The following LRRIQ1 variants were observed in gnomAD, a reference collection of about 807,000 sequenced individuals.
LRRIQ1 encodes the protein leucine rich repeats and IQ motif containing 1, also known as leucine-rich repeat- and IQ domain-containing protein 1.
In LRRIQ1, 210 loss-of-function variants were observed where a neutral mutation model predicts 211.9. That is an observed-to-expected ratio of 0.99 (90% CI 0.89 to 1.11). LRRIQ1 has a LOEUF of 1.11. Among genes scored for constraint, LRRIQ1 ranks in the 50% most tolerant of loss-of-function variants. The pLI is 0.00. For missense variants in LRRIQ1, 2,136 were observed against 1,939.5 expected (o/e 1.10, Z -1.90); for synonymous variants, 699 against 650.1 (o/e 1.08, Z -1.14).
chr12:85,120,410 C>T (rs1210205259), intron 15 of LRRIQ1, among the ~76,000 whole-genome samples: 1 of 152,166 alleles, frequency 6.6e-6, no homozygotes. Context: ...TTCACCAATA[C>T]CATACTGTCT....
rs937513143 is a variant in LRRIQ1, at chr12:85,117,474, T to C, written c.3378-4223T>C. Among the ~76,000 whole-genome samples, 4 of 152,218 alleles carry C rather than the reference T, an allele frequency of 2.6e-5. No individual in the cohort carries two copies. The South Asian group carries it at 8.3e-4, about 32-fold the overall frequency. ...ACAACTTAAAAAAGAAAATCTGCTT[T>C]ATTAATTTTTCTTGTAAGATATATC... On this transcript the variant is annotated intron_variant, in intron 15 of 26. Coordinates refer to ENST00000393217, the MANE Select transcript of LRRIQ1 (RefSeq NM_001079910.2).
intron 24 of LRRIQ1, among the ~76,000 whole-genome samples, chr12:85,217,665 TA>T (rs1340279122): frequency 7.7e-6 from 1 of 129,174 alleles, no homozygotes; most frequent in Non-Finnish European, 1.5e-5. Flanking sequence ...TATATATGTA[TA>T]TATGTGTATA....
At chr12:85,215,266 A>G (rs1289352874) in intron 24 of LRRIQ1, among the ~76,000 whole-genome samples, 4 of 152,186 alleles carry the variant, frequency 2.6e-5, no homozygotes, top group Admixed American at 2.0e-4. Flanking sequence ...AGAGTTGAAG[A>G]TATGCATACC....
chr12:85,099,585 G>A (rs575145253), intron 13 of LRRIQ1, among the ~76,000 whole-genome samples: 35 of 151,920 alleles, frequency 2.3e-4, no homozygotes, highest in African/African-American at 8.4e-4. Flanking sequence ...CAAAGCAGGA[G>A]CACAATATGT....
At chr12:85,129,284 C>T (rs1371555676) in intron 18 of LRRIQ1, among the ~76,000 whole-genome samples, 4 of 152,268 alleles carry the variant, frequency 2.6e-5, no homozygotes, top group Admixed American at 2.6e-4. Context: ...TTCCTACCTT[C>T]ATGGAATTTA....
intron 1 of LRRIQ1, among the ~76,000 whole-genome samples, chr12:85,253,652 A>T (rs1195623408): frequency 6.6e-6 from 1 of 152,066 alleles, no homozygotes; most frequent in Admixed American, 6.6e-5. Flanking sequence ...AGTTTTACAT[A>T]AAATAGTAGG....
intron 24 of LRRIQ1, among the ~76,000 whole-genome samples, chr12:85,182,345 G>A (rs1222403483): frequency 6.6e-6 from 1 of 152,100 alleles, no homozygotes; most frequent in Admixed American, 6.6e-5. Context: ...ACATGACAGA[G>A]GTTGGTAGAT....
chr12:85,042,340 TTTAAA>T (rs1431759877), intron 3 of LRRIQ1, among the ~76,000 whole-genome samples: 211 of 150,314 alleles, frequency 1.4e-3, no homozygotes, highest in Middle Eastern at 4.8e-3. Context: ...TCCCAGAAAA[TTTAAA>T]TTAATTTAAT....
At chr12:85,207,939 C>T (rs921519052) in intron 24 of LRRIQ1, among the ~76,000 whole-genome samples, 38 of 151,908 alleles carry the variant, frequency 2.5e-4, no homozygotes, top group African/African-American at 8.9e-4. Flanking sequence ...TGTTTCAACA[C>T]TCTTTATCTT....
intron 24 of LRRIQ1, among the ~76,000 whole-genome samples, chr12:85,216,159 T>TA (rs1359356224): frequency 1.3e-5 from 2 of 152,168 alleles, no homozygotes; most frequent in Non-Finnish European, 2.9e-5. Flanking sequence ...CTCCTAATGC[T>TA]ATCCCTCTCC....
rs749654328 is a variant in LRRIQ1 at position 85,052,256 on chromosome 12, CTATT to C, written c.753+7_753+10del. ...GAGAAATTTAAACAGCATGAGGTAT[CTATT>C]TGTTGTTTTTATTTAGCACATTAAG... On this transcript the variant is annotated splice_donor_region_variant and intron_variant, in intron 7 of 26. Transcript: ENST00000393217. 2 of 1,410,854 alleles carry C rather than the reference CTATT, an allele frequency of 1.4e-6. No individual in the cohort carries two copies. The highest frequency in any genetic ancestry group is 2.0e-6 in the Non-Finnish European group (2 of 1,021,000). 87.4% of individuals were successfully genotyped at this position (1,410,854 alleles called of 1,614,324 possible).
chr12:85,227,323 G>A (rs1413192579), intron 24 of LRRIQ1, among the ~76,000 whole-genome samples: 4 of 152,024 alleles, frequency 2.6e-5, no homozygotes, highest in African/African-American at 7.2e-5. Context: ...TGTGCACAAT[G>A]TGCAGGTTTG....
chr12:85,269,781 A>G, the LRRIQ1 span, among the ~76,000 whole-genome samples: 1 of 152,048 alleles, frequency 6.6e-6, no homozygotes, highest in African/African-American at 2.4e-5. Context: ...GAATCAAAGA[A>G]TTGGAATGCC....
chr12:85,092,959 A>C (rs974317469), intron 11 of LRRIQ1, among the ~76,000 whole-genome samples: 1 of 152,218 alleles, frequency 6.6e-6, no homozygotes, highest in Non-Finnish European at 1.5e-5. Context: ...TTTGGCTAGC[A>C]CCATAACCAG....
At chr12:85,054,433 G>A (rs959369716) in intron 7 of LRRIQ1, among the ~76,000 whole-genome samples, 2 of 152,152 alleles carry the variant, frequency 1.3e-5, no homozygotes, top group African/African-American at 4.8e-5. Flanking sequence ...TGTTGTGTAT[G>A]TGTGCATGCA....
intron 24 of LRRIQ1, among the ~76,000 whole-genome samples, chr12:85,191,433 G>T (rs527608486): frequency 3.9e-5 from 6 of 151,930 alleles, no homozygotes; most frequent in Non-Finnish European, 8.8e-5. Context: ...AGCCTTTTCA[G>T]ATTGGCATCT....
At chr12:85,203,129 A>G (rs1326395909) in intron 24 of LRRIQ1, among the ~76,000 whole-genome samples, 1 of 152,128 alleles carries the variant, frequency 6.6e-6, no homozygotes, top group African/African-American at 2.4e-5. Flanking sequence ...CGTGGTAGTG[A>G]ATAAGTCTCA....
rs982833498 is a variant in LRRIQ1, at chr12:85,144,086, C to A, written c.4329+6117C>A. On this transcript the variant is annotated intron_variant, in intron 19 of 26. Coordinates refer to ENST00000393217, the MANE Select transcript of LRRIQ1 (RefSeq NM_001079910.2). ...CTCCTGTCCTCCGCCCTCAAGTAGG[C>A]CCCAGTGTCTGTTGTTCCCTTCTTC... Among the ~76,000 whole-genome samples, 5 of 151,498 alleles carry A rather than the reference C, an allele frequency of 3.3e-5. No individual in the cohort carries two copies. The Admixed American group carries it at 3.3e-4, about 10-fold the overall frequency.
intron 17 of LRRIQ1, among the ~76,000 whole-genome samples, chr12:85,127,611 C>T (rs1373669816): frequency 6.6e-6 from 1 of 152,162 alleles, no homozygotes; most frequent in Non-Finnish European, 1.5e-5. Flanking sequence ...CTCCCTTTTA[C>T]CCACATACCC....
Sources: allele counts gnomAD v4.1 joint callset (sites outside exome capture counted in the v4.1 genomes callset), GRCh38; gene constraint gnomAD v4.1.1; transcripts MANE v1.5; gene names NCBI Gene and HGNC (gene_info 2026-07-23, HGNC 2026-07-21).